The following CADM2 variants were observed in gnomAD, a reference collection of about 807,000 sequenced individuals.
CADM2 encodes cell adhesion molecule 2.
A neutral mutation model predicts 49.8 loss-of-function variants in CADM2; 12 were observed. That is an observed-to-expected ratio of 0.24 (90% CI 0.15 to 0.39). The LOEUF (loss-of-function observed/expected upper bound fraction) is 0.39. CADM2 is among the 10% of genes least tolerant of loss of function. The pLI is 1.00. For synonymous variants in CADM2, 214 were observed against 175.4 expected (o/e 1.22, Z -1.74); for missense variants, 378 against 492.3 (o/e 0.77, Z 2.20).
Position 86,066,697 on chromosome 3 carries a change from G to T in CADM2, c.1129G>T (p.Glu377Ter). The T allele has an allele frequency of 6.2e-7, 1 of 1,613,968 alleles. No individual in the cohort carries two copies. Among genetic ancestry groups the T allele is most frequent in the Non-Finnish European group, 8.5e-7 (1 of 1,179,858 alleles). Residue 377 changes from glutamate (E) to a stop codon, truncating the protein, a stop_gained, in exon 10 of 10, where the codon GAA (glutamate) becomes TAA (stop). Coordinates refer to ENST00000383699, the MANE Select transcript of CADM2 (RefSeq NM_001167675.2). LOFTEE classifies it high-confidence loss of function. ...TTTAACAAATGAAGCTAAAGGAGCT[G>T]AAGATGCACCAGATGCTGATACAGC... Reference protein sequence around the residue: ...TYLTNEAKGAEDAPDADTAII... With the variant: ...TYLTNEAKGA
intron 1 of CADM2, among the ~76,000 whole-genome samples, chr3:85,465,104 C>T (rs534876228): frequency 6.6e-6 from 1 of 152,226 alleles, no homozygotes; most frequent in East Asian, 1.9e-4. Context: ...AAGCTGAGAT[C>T]GCGCCACTGC....
At position 85,550,087 on chromosome 3, in the gene CADM2, G is replaced by A. The variant is rs1021988886; in HGVS notation, c.62-176435G>A. 5.9e-5 allele frequency among the ~76,000 whole-genome samples: 9 copies of A among 152,150 alleles called. No homozygotes were observed. In the South Asian group the frequency reaches 8.3e-4, roughly 14 times the overall value. ...GCAAACACTGTAACAGCCTTTTACC[G>A]ATGAGATAGGGAGCAGTGAGTGAGT... On this transcript the variant is annotated intron_variant, in intron 1 of 9. Coordinates refer to ENST00000383699, the MANE Select transcript of CADM2 (RefSeq NM_001167675.2).
chr3:85,825,610 C>T (rs1227625358), intron 3 of CADM2, among the ~76,000 whole-genome samples: 3 of 151,984 alleles, frequency 2.0e-5, no homozygotes, highest in Non-Finnish European at 4.4e-5. Context: ...CTGACATAGC[C>T]ACTATGAGTA....
intron 1 of CADM2, among the ~76,000 whole-genome samples, chr3:85,650,427 T>G (rs2107579368): frequency 6.6e-6 from 1 of 151,762 alleles, no homozygotes; most frequent in South Asian, 2.1e-4. Flanking sequence ...AAACAGCATT[T>G]ACAAAGGATA....
At chr3:85,688,320 A>G (rs943535625) in intron 1 of CADM2, among the ~76,000 whole-genome samples, 2 of 152,220 alleles carry the variant, frequency 1.3e-5, no homozygotes, top group African/African-American at 4.8e-5. Flanking sequence ...TTTACCACAG[A>G]AGATACATGG....
intron 1 of CADM2, among the ~76,000 whole-genome samples, chr3:85,033,202 A>G (rs1020423672): frequency 6.6e-6 from 1 of 152,196 alleles, no homozygotes; most frequent in African/African-American, 2.4e-5. Context: ...ACTAGTTGTG[A>G]GGACACTATT....
At chr3:85,206,711 CTGTTT>C (rs550966773) in intron 1 of CADM2, among the ~76,000 whole-genome samples, 97 of 151,976 alleles carry the variant, frequency 6.4e-4, no homozygotes, top group African/African-American at 2.3e-3. Flanking sequence ...GTCTTTTTTT[CTGTTT>C]TAAGTTTTCA....
chr3:85,287,017 T>C (rs1191031544), intron 1 of CADM2, among the ~76,000 whole-genome samples: 2 of 152,194 alleles, frequency 1.3e-5, no homozygotes, highest in African/African-American at 2.4e-5. Context: ...TTAGTTTGAA[T>C]GCCCCTCTGA....
At chr3:85,813,392 G>T (rs938893944) in intron 3 of CADM2, among the ~76,000 whole-genome samples, 3 of 152,096 alleles carry the variant, frequency 2.0e-5, no homozygotes, top group African/African-American at 4.8e-5. Context: ...TTTTGATGGG[G>T]TTGTTTGTTT....
At chr3:85,577,139 G>C (rs767452365) in intron 1 of CADM2, among the ~76,000 whole-genome samples, 2 of 152,032 alleles carry the variant, frequency 1.3e-5, no homozygotes, top group Non-Finnish European at 2.9e-5. Context: ...TCTTACAAAG[G>C]GTTTTCCAGT....
intron 1 of CADM2, among the ~76,000 whole-genome samples, chr3:85,344,576 A>T (rs946352709): frequency 6.6e-6 from 1 of 151,798 alleles, no homozygotes; most frequent in Non-Finnish European, 1.5e-5. Flanking sequence ...AAATTATAAG[A>T]CCAATCAGAA....
intron 1 of CADM2, among the ~76,000 whole-genome samples, chr3:85,289,261 G>A (rs1333224725): frequency 6.6e-6 from 1 of 152,120 alleles, no homozygotes; most frequent in Non-Finnish European, 1.5e-5. Flanking sequence ...AATTATGGAG[G>A]GGTAAAGTAC....
At chr3:85,684,397 A>G (rs1458554920) in intron 1 of CADM2, among the ~76,000 whole-genome samples, 1 of 152,080 alleles carries the variant, frequency 6.6e-6, no homozygotes, top group Non-Finnish European at 1.5e-5. Context: ...TCCTAAAGAC[A>G]ACTAACTCCC....
intron 1 of CADM2, among the ~76,000 whole-genome samples, chr3:85,200,453 A>C (rs1012108425): frequency 2.0e-5 from 3 of 152,080 alleles, no homozygotes; most frequent in Non-Finnish European, 4.4e-5. Context: ...CAGTGAAAAA[A>C]GTTTAGAAAT....
chr3:85,245,734 A>T (rs1015902533), intron 1 of CADM2, among the ~76,000 whole-genome samples: 1 of 152,130 alleles, frequency 6.6e-6, no homozygotes, highest in African/African-American at 2.4e-5. Context: ...GATGGTATAG[A>T]AAGATTACTC....
chr3:85,740,700 T>C (rs2068343917), intron 2 of CADM2, among the ~76,000 whole-genome samples: 2 of 152,166 alleles, frequency 1.3e-5, no homozygotes, highest in Non-Finnish European at 2.9e-5. Context: ...GAGTTTCAAG[T>C]CCCGAAACAT....
intron 1 of CADM2, among the ~76,000 whole-genome samples, chr3:85,659,596 G>C (rs2065336018): frequency 1.3e-5 from 2 of 152,108 alleles, no homozygotes; most frequent in South Asian, 4.1e-4. Flanking sequence ...CTTTCATTCA[G>C]AATTCCAGAT....
At chr3:85,803,725 C>G (rs1464593559) in intron 3 of CADM2, among the ~76,000 whole-genome samples, 2 of 151,920 alleles carry the variant, frequency 1.3e-5, no homozygotes, top group Non-Finnish European at 2.9e-5. Context: ...TCTCATAAGG[C>G]CTTCCACTGA....
intron 1 of CADM2, among the ~76,000 whole-genome samples, chr3:85,507,518 T>C (rs140578932): frequency 1.7e-3 from 262 of 152,310 alleles, no homozygotes; most frequent in South Asian, 0.014. Flanking sequence ...AAATACATTA[T>C]ATCTTTGTTA....
Sources: gnomAD v4.1 joint callset for allele counts (sites outside exome capture counted in the v4.1 genomes callset) on GRCh38, gnomAD v4.1.1 for gene constraint, MANE v1.5 for transcripts, NCBI Gene and HGNC (gene_info 2026-07-23, HGNC 2026-07-21) for gene names.